The following SFI1 variants were observed in gnomAD, a reference collection of about 807,000 sequenced individuals.
SFI1 encodes the protein protein SFI1 homolog.
Under a neutral mutation model 207.5 loss-of-function variants are expected in SFI1, and 195 were observed. The observed-to-expected ratio is 0.94, with a 90% confidence interval of 0.84 to 1.06. The LOEUF is 1.06. Ranked by LOEUF, SFI1 falls within the 50% of genes least tolerant of loss-of-function variation. The pLI is 0.00. For synonymous variants in SFI1, 630 were observed against 598.9 expected (o/e 1.05, Z -0.76); for missense variants, 1,634 against 1,588.0 (o/e 1.03, Z -0.49).
intron 2 of SFI1, among the ~76,000 whole-genome samples, chr22:31,528,390 A>T (rs572660548): frequency 3.3e-5 from 5 of 151,248 alleles, no homozygotes; most frequent in African/African-American, 9.7e-5. Context: ...TGCCACAGCA[A>T]TCCAGCCTGG....
At chr22:31,593,849 G>A (rs1603274583) in intron 15 of SFI1, among the ~76,000 whole-genome samples, 1 of 148,096 alleles carries the variant, frequency 6.8e-6, no homozygotes, top group South Asian at 2.2e-4. Flanking sequence ...GTCAGGCGTG[G>A]CGGCGCGTGC....
At chr22:31,501,303 C>G (rs1214128112) in intron 1 of SFI1, among the ~76,000 whole-genome samples, 1 of 151,784 alleles carries the variant, frequency 6.6e-6, no homozygotes, top group African/African-American at 2.4e-5. Context: ...TCCCGAGTAG[C>G]TGGGACTACA....
chr22:31,531,929 C>CA (rs1329715383), intron 4 of SFI1, among the ~76,000 whole-genome samples: 2 of 150,854 alleles, frequency 1.3e-5, no homozygotes, highest in Admixed American at 1.3e-4. Flanking sequence ...AGCATGGTGG[C>CA]ATATGCCTAT....
chr22:31,541,797 A>G (rs1348774790), intron 4 of SFI1, among the ~76,000 whole-genome samples: 1 of 150,500 alleles, frequency 6.6e-6, no homozygotes, highest in South Asian at 2.1e-4. Flanking sequence ...CAGTCTTTCA[A>G]ATATTATAGA....
intron 20 of SFI1, 145 bp downstream of exon 20, chr22:31,605,090 A>T (rs571361691): frequency 5.4e-5 from 36 of 669,906 alleles, no homozygotes; most frequent in Non-Finnish European, 8.8e-5. Context: ...TGGCTTTTCC[A>T]CTTCACTCAC....
intron 15 of SFI1, among the ~76,000 whole-genome samples, chr22:31,600,277 T>G (rs1569439518): frequency 6.6e-6 from 1 of 152,256 alleles, no homozygotes; most frequent in Non-Finnish European, 1.5e-5. Flanking sequence ...TACCCACATA[T>G]TTTCCCTTTC....
At chr22:31,602,179 T>TG in intron 15 of SFI1, 33 bp from the exon 16 acceptor site, 1 of 1,562,442 alleles carries the variant, frequency 6.4e-7, no homozygotes. Flanking sequence ...TTATGTTTGT[T>TG]TTAAGTGCTT....
At chr22:31,497,466 A>G (rs373715396) in intron 1 of SFI1, 1 of 152,190 alleles carries the variant, frequency 6.6e-6, no homozygotes, top group Non-Finnish European at 1.5e-5. Flanking sequence ...CCTCACTGGT[A>G]TAAGACAGCA....
At chr22:31,553,529 A>AT (rs71202096) in intron 6 of SFI1, among the ~76,000 whole-genome samples, 4,335 of 82,664 alleles carry the variant, frequency 0.052, 140 homozygotes, top group South Asian at 0.087. Flanking sequence ...TAATTTTTGT[A>AT]TTTTTTTTTT....
intron 2 of SFI1, among the ~76,000 whole-genome samples, chr22:31,509,142 C>T (rs1569169853): frequency 6.6e-6 from 1 of 152,060 alleles, no homozygotes; most frequent in African/African-American, 2.4e-5. Flanking sequence ...CCCACTTAGT[C>T]ATGGTGTTTA....
intron 6 of SFI1, among the ~76,000 whole-genome samples, chr22:31,551,573 A>T (rs1411573588): frequency 6.6e-6 from 1 of 152,180 alleles, no homozygotes; most frequent in Non-Finnish European, 1.5e-5. Flanking sequence ...TAAGACTTTG[A>T]TACACACTAC....
At chr22:31,508,757 C>T (rs141965339) in intron 2 of SFI1, among the ~76,000 whole-genome samples, 5 of 152,218 alleles carry the variant, frequency 3.3e-5, no homozygotes, top group South Asian at 2.1e-4. Flanking sequence ...GCTCTCGGCA[C>T]CTTATAACGT....
chr22:31,599,464 C>T (rs2067753036), intron 15 of SFI1, among the ~76,000 whole-genome samples: 1 of 151,536 alleles, frequency 6.6e-6, no homozygotes, highest in Non-Finnish European at 1.5e-5. Flanking sequence ...GTAGCTGGGA[C>T]TATAGGCACA....
chr22:31,530,884 A>G (rs1161429789), intron 3 of SFI1, 174 bp from the exon 4 acceptor site: 1 of 588,176 alleles, frequency 1.7e-6, no homozygotes, highest in Non-Finnish European at 3.0e-6. Flanking sequence ...TAGCTTTATA[A>G]ATCTGCCCCA....
chr22:31,530,489 CAAAAAAAAAA>C (rs3069094), intron 3 of SFI1: 12 of 114,012 alleles, frequency 1.1e-4, no homozygotes, highest in East Asian at 4.7e-4. Flanking sequence ...AACTCTGTCT[CAAAAAAAAAA>C]AAAAAAAAAA....
In SFI1 at chr22:31,604,368, G is replaced by A; in HGVS notation, c.1941G>A (p.Gln647=). The A allele has an allele frequency of 6.4e-7, 1 of 1,574,362 alleles. No homozygotes were observed. Among genetic ancestry groups the A allele is most frequent in the Non-Finnish European group, 8.6e-7 (1 of 1,162,420 alleles). Residue 647 remains glutamine (Q), a synonymous_variant, in exon 19 of 33, where the codon CAG becomes CAA. Coordinates refer to ENST00000400288, the MANE Select transcript of SFI1 (RefSeq NM_001007467.3). ...QKLMRADLHH[Q]HSVLHRALQA... ...TGATGCGAGCAGACCTGCACCACCA[G>A]CACAGCGTGCTGCACAGGGCGCTGC... is the stretch of plus-strand genomic sequence containing the variant.
chr22:31,579,592 G>A (rs923108824), intron 11 of SFI1, among the ~76,000 whole-genome samples: 7 of 152,172 alleles, frequency 4.6e-5, no homozygotes, highest in East Asian at 1.9e-4. Context: ...TGGGATTACA[G>A]GCGTGAGCCA....
In SFI1 at chr22:31,562,563, AG is replaced by A. The variant is rs535273499; in HGVS notation, c.765+1174del. On this transcript the variant is annotated intron_variant, in intron 8 of 32. Transcript: ENST00000400288. ...TTTTAAAAGTCCCATATTATTGTTAAGGGAACCAGGAAGGTTAAATAACTTG... is the reference window on the plus strand; with the variant it reads ...TTTTAAAAGTCCCATATTATTGTTAAGGAACCAGGAAGGTTAAATAACTTG... Among the ~76,000 whole-genome samples the A allele has an allele frequency of 2.3e-3, 350 of 152,268 alleles. 1 individual carries two copies. Among genetic ancestry groups the A allele is most frequent in the Non-Finnish European group, 5.4e-4 (37 of 68,020 alleles).
intron 27 of SFI1, 106 bp downstream of exon 27, chr22:31,613,961 G>C: frequency 7.2e-7 from 1 of 1,390,670 alleles, no homozygotes; most frequent in Non-Finnish European, 9.5e-7. Flanking sequence ...GGCTGGTCAC[G>C]GCCTTGTCAC....
Sources: gnomAD v4.1 joint callset for allele counts (sites outside exome capture counted in the v4.1 genomes callset) on GRCh38, gnomAD v4.1.1 for gene constraint, MANE v1.5 for transcripts, NCBI Gene and HGNC (gene_info 2026-07-23, HGNC 2026-07-21) for gene names.